PBX1: variants seen among roughly 807,000 people sequenced by gnomAD.
PBX1 encodes the protein pre-B-cell leukemia transcription factor 1.
A neutral mutation model predicts 53.4 loss-of-function variants in PBX1; 6 were observed. That is an observed-to-expected ratio of 0.11 (90% CI 0.06 to 0.22). PBX1 has a LOEUF of 0.22. Ranked by LOEUF, PBX1 falls within the 10% of genes least tolerant of loss-of-function variation. PBX1 has a pLI of 1.00. For synonymous variants in PBX1, 204 were observed against 212.3 expected (o/e 0.96, Z 0.34); for missense variants, 251 against 551.4 (o/e 0.46, Z 5.46).
At position 164,751,203 on chromosome 1, in the gene PBX1, T is replaced by C. The variant is rs573644333; in HGVS notation, c.266-41291T>C. ...GGTGGTGCATGCCTGTAATCCCAGCTACTCGGGAGTCTGAGGTGGGAGAAT... is the reference window on the plus strand; with the variant it reads ...GGTGGTGCATGCCTGTAATCCCAGCCACTCGGGAGTCTGAGGTGGGAGAAT... On this transcript the variant is annotated intron_variant, in intron 2 of 8. Transcript: ENST00000420696. Among the ~76,000 whole-genome samples, 456 of 151,200 alleles carry C rather than the reference T, an allele frequency of 3.0e-3. 2 individuals are homozygous for C. Among genetic ancestry groups the C allele is most frequent in the Non-Finnish European group, 5.0e-3 (338 of 67,890 alleles).
At position 164,851,821 on chromosome 1, in the gene PBX1, CA is replaced by C. The variant is rs921821272; in HGVS notation, c.*5154del. 143 of 169,540 alleles carry C rather than the reference CA, an allele frequency of 8.4e-4. No individual in the cohort carries two copies. Among genetic ancestry groups the C allele is most frequent in the East Asian group, 3.1e-3 (29 of 9,374 alleles). 10.5% of individuals were successfully genotyped at this position (169,540 alleles called of 1,614,324 possible). A position where few individuals can be genotyped will look rare whatever the true frequency, so the allele number is the denominator to read the frequency against. On this transcript the variant is annotated 3_prime_UTR_variant, in exon 9 of 9. Coordinates refer to ENST00000420696, the MANE Select transcript of PBX1 (RefSeq NM_002585.4). ...TCCAAATAAATAGTTTCTTTTGTTG[CA>C]AAAAAAAATACTTGTATTTTGTGCA...
chr1:164,591,266 C>A (rs1040918816), intron 2 of PBX1, among the ~76,000 whole-genome samples: 1 of 152,190 alleles, frequency 6.6e-6, no homozygotes. Context: ...CCTGCCTCAG[C>A]TTCCCAAAGT....
At chr1:164,756,906 A>G (rs2102210822) in intron 2 of PBX1, among the ~76,000 whole-genome samples, 2 of 152,352 alleles carry the variant, frequency 1.3e-5, no homozygotes, top group Non-Finnish European at 2.9e-5. Context: ...GATAAGGAGA[A>G]AAAAATGTAT....
chr1:164,626,191 G>A (rs1003033319), intron 2 of PBX1: 2 of 769,670 alleles, frequency 2.6e-6, no homozygotes, highest in Admixed American at 6.1e-5. Context: ...TTCATGACAT[G>A]GGCTGCTGTT....
chr1:164,675,152 G>T (rs1434823784), intron 2 of PBX1, among the ~76,000 whole-genome samples: 2 of 152,028 alleles, frequency 1.3e-5, no homozygotes, highest in Non-Finnish European at 2.9e-5. Context: ...TATTGGTCCT[G>T]GGTTGACAGA....
At chr1:164,729,016 A>G (rs1664842083) in intron 2 of PBX1, among the ~76,000 whole-genome samples, 1 of 152,022 alleles carries the variant, frequency 6.6e-6, no homozygotes, top group Non-Finnish European at 1.5e-5. Flanking sequence ...AGGCGTTTAT[A>G]CTCTTCTCTG....
chr1:164,728,326 AAAAAAGAG>A (rs1029975010), intron 2 of PBX1, among the ~76,000 whole-genome samples: 1 of 149,540 alleles, frequency 6.7e-6, no homozygotes, highest in African/African-American at 2.5e-5. Flanking sequence ...AACAAAAAAA[AAAAAAGAG>A]AGAGAGAGAG....
chr1:164,674,847 G>GCGCCC (rs1661329304), intron 2 of PBX1: 2 of 40,616 alleles, frequency 4.9e-5, no homozygotes, highest in South Asian at 1.4e-3. Context: ...AGAAATCACA[G>GCGCCC]CCCCCCCCCC....
At chr1:164,704,385 G>A (rs1557954210) in intron 2 of PBX1, among the ~76,000 whole-genome samples, 1 of 152,206 alleles carries the variant, frequency 6.6e-6, no homozygotes, top group Non-Finnish European at 1.5e-5. Context: ...TTGCTCTATA[G>A]TGGCATTTTA....
rs1553244687 is a variant in PBX1 at position 164,776,978 on chromosome 1, A to AGAGATG, written c.266-15515_266-15514insAGATGG. On this transcript the variant is annotated intron_variant, in intron 2 of 8. Transcript: ENST00000420696. ...GAGAGAGAGAGAGAGAGAGAGAGAG[A>AGAGATG]GGAGGTGTGGGGGGGCGGGGGGCTG... Among the ~76,000 whole-genome samples, 124 of 46,476 alleles carry AGAGATG rather than the reference A, an allele frequency of 2.7e-3. 13 individuals are homozygous for AGAGATG. The highest frequency in any genetic ancestry group is 0.013 in the Middle Eastern group (1 of 76). 30.5% of individuals were successfully genotyped at this position (46,476 alleles called of 152,430 possible).
chr1:164,718,224 ATAAAAACTTGCATTG>A (rs1193831020), intron 2 of PBX1, among the ~76,000 whole-genome samples: 10 of 152,222 alleles, frequency 6.6e-5, no homozygotes, highest in Admixed American at 3.9e-4. Context: ...TTAATGTGTA[ATAAAAACTTGCATTG>A]TTGGCATTGC....
chr1:164,870,525 G>T (rs1380672630), intron 2 of PBX1, among the ~76,000 whole-genome samples: 1 of 151,694 alleles, frequency 6.6e-6, no homozygotes, highest in East Asian at 1.9e-4. Context: ...TGTACTTTTA[G>T]TAGAGACGGG....
chr1:164,840,608 G>A (rs879699783), intron 8 of PBX1, among the ~76,000 whole-genome samples: 1 of 152,284 alleles, frequency 6.6e-6, no homozygotes, highest in Non-Finnish European at 1.5e-5. Flanking sequence ...TGTTAAGATG[G>A]TGTGCTAAGC....
chr1:164,847,548 T>G lies in PBX1; in HGVS notation c.*872T>G. On this transcript the variant is annotated 3_prime_UTR_variant, in exon 9 of 9. Coordinates refer to ENST00000420696, the MANE Select transcript of PBX1 (RefSeq NM_002585.4). ...AAAACTGGGCCTGAGTTAGGCATGG[T>G]GATGAATGCATCAGCAAGGAATAGA... The G allele has an allele frequency of 9.4e-7, 1 of 1,062,744 alleles. No individual in the cohort carries two copies. The highest frequency in any genetic ancestry group is 1.1e-6 in the Non-Finnish European group (1 of 877,748). 65.8% of individuals were successfully genotyped at this position (1,062,744 alleles called of 1,614,324 possible).
intron 2 of PBX1, among the ~76,000 whole-genome samples, chr1:164,586,663 A>G (rs1654967573): frequency 6.6e-6 from 1 of 152,218 alleles, no homozygotes; most frequent in Non-Finnish European, 1.5e-5. Flanking sequence ...GTTAACCTAT[A>G]CTGTCACAAT....
intron 2 of PBX1, among the ~76,000 whole-genome samples, chr1:164,588,439 A>AAAAAGAG (rs558634179): frequency 1.3e-5 from 2 of 151,370 alleles, no homozygotes. Flanking sequence ...AGAGATGAGG[A>AAAAAGAG]AAAAGAGAAA....
chr1:164,719,125 A>T (rs1352069233), intron 2 of PBX1, among the ~76,000 whole-genome samples: 1 of 152,054 alleles, frequency 6.6e-6, no homozygotes, highest in Non-Finnish European at 1.5e-5. Context: ...AGGAGCTGCA[A>T]AAGAGACCTA....
At chr1:164,746,641 C>T (rs1226564156) in intron 2 of PBX1, among the ~76,000 whole-genome samples, 1 of 152,164 alleles carries the variant, frequency 6.6e-6, no homozygotes, top group Non-Finnish European at 1.5e-5. Context: ...AACTCTTGAC[C>T]TCGTGATCCA....
intron 4 of PBX1, among the ~76,000 whole-genome samples, chr1:164,806,305 A>C (rs73029054): frequency 0.017 from 2,624 of 152,258 alleles, 67 homozygotes; most frequent in African/African-American, 0.051. Flanking sequence ...TTATTAAAAA[A>C]AAGTGATTTT....
Sources: gnomAD v4.1 joint callset for allele counts (sites outside exome capture counted in the v4.1 genomes callset) on GRCh38, gnomAD v4.1.1 for gene constraint, MANE v1.5 for transcripts, NCBI Gene and HGNC (gene_info 2026-07-23, HGNC 2026-07-21) for gene names.